The following ABTB2 variants were observed in gnomAD, a reference collection of about 807,000 sequenced individuals.
ABTB2 encodes ankyrin repeat and BTB domain containing 2.
Under a neutral mutation model 104.1 loss-of-function variants are expected in ABTB2, and 56 were observed. The ratio of observed to expected loss-of-function variants is 0.54; its 90% CI spans 0.43 to 0.67. The LOEUF (loss-of-function observed/expected upper bound fraction) is 0.67. Among genes scored for constraint, ABTB2 ranks in the 30% least tolerant of loss-of-function variants. The pLI is 0.00. For synonymous variants in ABTB2, 606 were observed against 608.2 expected (o/e 1.00, Z 0.05); for missense variants, 1,279 against 1,407.7 (o/e 0.91, Z 1.46).
At chr11:34,329,665 G>A (rs1353149709) in intron 1 of ABTB2, among the ~76,000 whole-genome samples, 1 of 152,246 alleles carries the variant, frequency 6.6e-6, no homozygotes, top group Non-Finnish European at 1.5e-5. Context: ...GCTGCAGCTA[G>A]TTTGCAACCA....
chr11:34,296,562 A>G (rs895154501), intron 1 of ABTB2, among the ~76,000 whole-genome samples: 2 of 152,164 alleles, frequency 1.3e-5, no homozygotes, highest in African/African-American at 2.4e-5. Flanking sequence ...AAGGAATCAC[A>G]AGGCCAGTGT....
chr11:34,222,735 C>T lies in ABTB2; in HGVS notation c.884-18045G>A, dbSNP rs2611081. Among the ~76,000 whole-genome samples the T allele has an allele frequency of 1.5e-3, 228 of 152,354 alleles. 1 individual carries two copies. The highest frequency in any genetic ancestry group is 5.2e-3 in the African/African-American group (215 of 41,584). ...CTTTGCAGAAAGGCACTGGAGACCT[C>T]GGTGCACTGACTTCTAACCCTGGGC... On this transcript the variant is annotated intron_variant, in intron 1 of 16. Transcript: ENST00000435224.
At chr11:34,186,663 C>T (rs1271781942) in intron 3 of ABTB2, among the ~76,000 whole-genome samples, 2 of 152,218 alleles carry the variant, frequency 1.3e-5, no homozygotes, top group African/African-American at 2.4e-5. Context: ...TCCCATGCAA[C>T]AGCCAGCCCT....
At chr11:34,321,863 T>C (rs1855008532) in intron 1 of ABTB2, among the ~76,000 whole-genome samples, 1 of 152,234 alleles carries the variant, frequency 6.6e-6, no homozygotes, top group African/African-American at 2.4e-5. Context: ...CTGGGTCACA[T>C]GCCTGTTCTG....
intron 3 of ABTB2, among the ~76,000 whole-genome samples, chr11:34,187,499 CT>C (rs33924050): frequency 6.0e-4 from 85 of 140,636 alleles, no homozygotes; most frequent in African/African-American, 1.2e-3. Context: ...TCTTCTTTGC[CT>C]TTTTTTTTTT....
chr11:34,342,784 A>C (rs1855276969), intron 1 of ABTB2, among the ~76,000 whole-genome samples: 1 of 152,046 alleles, frequency 6.6e-6, no homozygotes, highest in South Asian at 2.1e-4. Flanking sequence ...CTGGACCACC[A>C]CTTATTACCT....
rs770862830 is a variant in ABTB2, at chr11:34,356,488, G to A, written c.883+213C>T. Among the ~76,000 whole-genome samples the A allele has an allele frequency of 1.2e-4, 18 of 152,180 alleles. No homozygotes were observed. The highest frequency in any genetic ancestry group is 1.9e-4 in the Non-Finnish European group (13 of 68,040). Reference sequence around the variant, plus strand: ...GTAACAATGCCACGCAGAACAGGATGGAGATCATTCACAAGTTTACCCTCC... The same window carrying A: ...GTAACAATGCCACGCAGAACAGGATAGAGATCATTCACAAGTTTACCCTCC... On this transcript the variant is annotated intron_variant, in intron 1 of 16. Transcript: ENST00000435224. The surrounding 1 kb of genome is among the most constrained non-coding windows in gnomAD (Gnocchi z 4.6).
chr11:34,255,467 T>C (rs1854109724), intron 1 of ABTB2, among the ~76,000 whole-genome samples: 1 of 152,116 alleles, frequency 6.6e-6, no homozygotes, highest in Non-Finnish European at 1.5e-5. Context: ...TTTCTAAAAA[T>C]TAGAAAAGTG....
chr11:34,303,353 G>A (rs1854730767), intron 1 of ABTB2, among the ~76,000 whole-genome samples: 2 of 152,170 alleles, frequency 1.3e-5, no homozygotes, highest in Non-Finnish European at 2.9e-5. Flanking sequence ...TTATTAACCA[G>A]TCAAGCATGT....
intron 14 of ABTB2, among the ~76,000 whole-genome samples, chr11:34,157,615 C>T (rs946627489): frequency 2.0e-5 from 3 of 152,206 alleles, no homozygotes; most frequent in East Asian, 1.9e-4. Flanking sequence ...TAAAGCTGCC[C>T]ATTCTCCAGT....
At chr11:34,330,262 G>C (rs1413350543) in intron 1 of ABTB2, among the ~76,000 whole-genome samples, 2 of 152,174 alleles carry the variant, frequency 1.3e-5, no homozygotes, top group African/African-American at 4.8e-5. Flanking sequence ...TTTGGGCTTT[G>C]AGTTGGGTAG....
intron 1 of ABTB2, among the ~76,000 whole-genome samples, chr11:34,354,094 C>T (rs1021600740): frequency 6.6e-6 from 1 of 152,144 alleles, no homozygotes; most frequent in Non-Finnish European, 1.5e-5. Flanking sequence ...TTTAATGTGG[C>T]CACCCCCTGG....
chr11:34,316,504 T>G (rs576775730), intron 1 of ABTB2, among the ~76,000 whole-genome samples: 1 of 152,306 alleles, frequency 6.6e-6, no homozygotes, highest in Admixed American at 6.5e-5. Context: ...TTTCCTGCAC[T>G]CTGCTCTTTT....
intron 5 of ABTB2, among the ~76,000 whole-genome samples, chr11:34,169,933 C>G (rs992749605): frequency 2.0e-5 from 3 of 152,210 alleles, no homozygotes; most frequent in Non-Finnish European, 2.9e-5. Flanking sequence ...CACGGTCTGC[C>G]TGGAGTTTCA....
At chr11:34,190,201 C>G (rs977854696) in intron 3 of ABTB2, among the ~76,000 whole-genome samples, 3 of 151,792 alleles carry the variant, frequency 2.0e-5, no homozygotes, top group Non-Finnish European at 4.4e-5. Context: ...GATCGTGCCA[C>G]TGCACTCCAG....
intron 1 of ABTB2, among the ~76,000 whole-genome samples, chr11:34,308,696 C>T (rs1319919889): frequency 1.3e-5 from 2 of 151,588 alleles, no homozygotes; most frequent in African/African-American, 4.8e-5. Flanking sequence ...ATGGTGAAAC[C>T]CTGTCTGCAC....
chr11:34,206,391 A>C (rs1196846213), intron 1 of ABTB2, among the ~76,000 whole-genome samples: 1 of 152,150 alleles, frequency 6.6e-6, no homozygotes, highest in Non-Finnish European at 1.5e-5. Context: ...AAACAAAACA[A>C]AACAAAACAA....
rs180908480 is a variant in ABTB2 at position 34,353,487 on chromosome 11, C to T, written c.883+3214G>A. Among the ~76,000 whole-genome samples the T allele has an allele frequency of 3.5e-4, 53 of 152,234 alleles. 1 individual carries two copies. Among genetic ancestry groups the T allele is most frequent in the Admixed American group, 1.9e-3 (29 of 15,288 alleles). Reference sequence around the variant, plus strand: ...CTATTAAATTGGTTTCTCTACCTCCCGTAAGGAAGTCATGAAGATATCATC... The same window carrying T: ...CTATTAAATTGGTTTCTCTACCTCCTGTAAGGAAGTCATGAAGATATCATC... On this transcript the variant is annotated intron_variant, in intron 1 of 16. Coordinates refer to ENST00000435224, the MANE Select transcript of ABTB2 (RefSeq NM_145804.3).
chr11:34,235,563 T>A (rs1287654098), intron 1 of ABTB2, among the ~76,000 whole-genome samples: 1 of 152,180 alleles, frequency 6.6e-6, no homozygotes, highest in Non-Finnish European at 1.5e-5. Context: ...CTCTGTTCAA[T>A]AAGCCCCACA....
Sources: gnomAD v4.1 joint callset for allele counts (sites outside exome capture counted in the v4.1 genomes callset) on GRCh38, gnomAD v4.1.1 for gene constraint, Gnocchi (gnomAD v3.1) non-coding constraint, MANE v1.5 for transcripts, NCBI Gene and HGNC (gene_info 2026-07-23, HGNC 2026-07-21) for gene names.